The following SORCS1 variants were observed in gnomAD, a reference collection of about 807,000 sequenced individuals.
SORCS1 encodes VPS10 domain-containing receptor SorCS1.
A neutral mutation model predicts 146.1 loss-of-function variants in SORCS1; 60 were observed. That is an observed-to-expected ratio of 0.41 (90% CI 0.33 to 0.51). SORCS1 has a LOEUF of 0.51. Ranked by LOEUF, SORCS1 falls within the 20% of genes least tolerant of loss-of-function variation. SORCS1 has a pLI of 0.21. For synonymous variants in SORCS1, 637 were observed against 584.0 expected (o/e 1.09, Z -1.31); for missense variants, 1,352 against 1,487.6 (o/e 0.91, Z 1.50).
At chr10:106,777,887 T>G (rs1860575540) in intron 3 of SORCS1, among the ~76,000 whole-genome samples, 1 of 152,134 alleles carries the variant, frequency 6.6e-6, no homozygotes, top group Non-Finnish European at 1.5e-5. Flanking sequence ...TGAATTTGGT[T>G]CAGGGAAGCA....
intron 5 of SORCS1, among the ~76,000 whole-genome samples, chr10:106,745,409 T>TG (rs1229073411): frequency 9.2e-6 from 1 of 108,400 alleles, no homozygotes; most frequent in African/African-American, 3.5e-5. Flanking sequence ...AGACAACGTC[T>TG]AAAAAAAAAA....
intron 18 of SORCS1, among the ~76,000 whole-genome samples, chr10:106,644,388 C>T (rs1020515141): frequency 5.9e-5 from 9 of 151,916 alleles, no homozygotes; most frequent in East Asian, 3.9e-4. Flanking sequence ...ATTATTGAGA[C>T]GGAGTCTAGC....
chr10:106,804,798 T>C (rs558237920), intron 3 of SORCS1, among the ~76,000 whole-genome samples: 1 of 152,264 alleles, frequency 6.6e-6, no homozygotes, highest in African/African-American at 2.4e-5. Context: ...TACAGAAGCG[T>C]ACTCAGAATT....
At chr10:106,946,209 T>TG (rs75073355) in intron 2 of SORCS1, among the ~76,000 whole-genome samples, 70,585 of 152,006 alleles carry the variant, frequency 0.46, 18,246 homozygotes, top group Non-Finnish European at 0.58. Flanking sequence ...CATAACATAC[T>TG]CTTCAAAGCA....
At chr10:107,091,957 G>A (rs925988382) in intron 1 of SORCS1, among the ~76,000 whole-genome samples, 3 of 152,072 alleles carry the variant, frequency 2.0e-5, no homozygotes, top group African/African-American at 7.2e-5. Flanking sequence ...CAGAGTACAC[G>A]ACACTGCACA....
intron 18 of SORCS1, among the ~76,000 whole-genome samples, chr10:106,648,658 G>A (rs1390649928): frequency 6.6e-6 from 1 of 152,058 alleles, no homozygotes; most frequent in Non-Finnish European, 1.5e-5. Flanking sequence ...TGGTTTACAT[G>A]ACAGATATTG....
At chr10:107,102,760 C>A (rs1263058384) in intron 1 of SORCS1, among the ~76,000 whole-genome samples, 1 of 152,024 alleles carries the variant, frequency 6.6e-6, no homozygotes, top group Non-Finnish European at 1.5e-5. Flanking sequence ...AATGCACACA[C>A]AATTAGAGGG....
At chr10:106,977,191 C>A (rs906542145) in intron 1 of SORCS1, among the ~76,000 whole-genome samples, 1 of 152,178 alleles carries the variant, frequency 6.6e-6, no homozygotes, top group Admixed American at 6.5e-5. Context: ...CACAGCCTTG[C>A]TAGCATCTAT....
intron 1 of SORCS1, among the ~76,000 whole-genome samples, chr10:107,124,953 CTTTTTTT>C (rs577523339): frequency 1.6e-5 from 2 of 121,614 alleles, no homozygotes; most frequent in Non-Finnish European, 3.3e-5. Flanking sequence ...TTTTCTTTTT[CTTTTTTT>C]TTTTTTTTTT....
chr10:106,904,412 GA>G (rs746172903), intron 2 of SORCS1, among the ~76,000 whole-genome samples: 151 of 152,146 alleles, frequency 9.9e-4, no homozygotes, highest in Non-Finnish European at 1.8e-3. Flanking sequence ...CCCAAAAGGG[GA>G]AAAACAAAAA....
At chr10:106,918,026 C>G (rs1339041428) in intron 2 of SORCS1, among the ~76,000 whole-genome samples, 1 of 152,078 alleles carries the variant, frequency 6.6e-6, no homozygotes, top group Non-Finnish European at 1.5e-5. Context: ...TTCCTGAACT[C>G]GCCAATTAAG....
rs528779068 is a variant in SORCS1, at chr10:106,725,800, G to A, written c.1024+4250C>T. On this transcript the variant is annotated intron_variant, in intron 6 of 25. Transcript: ENST00000263054. Reference sequence around the variant, plus strand: ...ACAAAAATTAGCCTGGTGTGGTGGTGCACGCCTGGAGTCCCAGCTCCTTGG... The same window carrying A: ...ACAAAAATTAGCCTGGTGTGGTGGTACACGCCTGGAGTCCCAGCTCCTTGG... 8.6e-5 allele frequency among the ~76,000 whole-genome samples: 13 copies of A among 151,756 alleles called. No individual in the cohort carries two copies. The South Asian group carries it at 2.7e-3, about 32-fold the overall frequency.
At chr10:106,831,420 A>G (rs1948538722) in intron 2 of SORCS1, among the ~76,000 whole-genome samples, 1 of 152,238 alleles carries the variant, frequency 6.6e-6, no homozygotes, top group African/African-American at 2.4e-5. Flanking sequence ...AAAGAAAGAA[A>G]TATAAACAAA....
intron 1 of SORCS1, chr10:106,970,051 G>C (rs988560411): frequency 6.6e-6 from 1 of 152,456 alleles, no homozygotes; most frequent in East Asian, 1.9e-4. Flanking sequence ...GAACGCGTCC[G>C]TTCTCGTCTG....
chr10:106,700,929 A>G (rs529940469), intron 8 of SORCS1, among the ~76,000 whole-genome samples: 1 of 152,306 alleles, frequency 6.6e-6, no homozygotes, highest in East Asian at 1.9e-4. Flanking sequence ...CTATCTGTTG[A>G]ATGTCTATTT....
At chr10:106,910,241 G>A (rs913231119) in intron 2 of SORCS1, among the ~76,000 whole-genome samples, 2 of 151,624 alleles carry the variant, frequency 1.3e-5, no homozygotes, top group Non-Finnish European at 2.9e-5. Context: ...TGTGAAATTT[G>A]GGATAATCTA....
chr10:106,690,487 T>C (rs1294945636), intron 9 of SORCS1, among the ~76,000 whole-genome samples: 1 of 152,190 alleles, frequency 6.6e-6, no homozygotes, highest in East Asian at 1.9e-4. Flanking sequence ...GGGTTATACA[T>C]GTTTGGGAGC....
intron 1 of SORCS1, among the ~76,000 whole-genome samples, chr10:107,028,337 A>T (rs941021399): frequency 6.6e-6 from 1 of 152,218 alleles, no homozygotes; most frequent in Non-Finnish European, 1.5e-5. Flanking sequence ...GAACAGAAAG[A>T]GGCTCATATT....
chr10:106,696,863 T>C (rs1268839537), intron 9 of SORCS1, among the ~76,000 whole-genome samples: 1 of 152,204 alleles, frequency 6.6e-6, no homozygotes, highest in Non-Finnish European at 1.5e-5. Context: ...AAACAAAATT[T>C]ATCCAGAGAA....
Sources: gnomAD v4.1 joint callset for allele counts (sites outside exome capture counted in the v4.1 genomes callset) on GRCh38, gnomAD v4.1.1 for gene constraint, MANE v1.5 for transcripts, NCBI Gene and HGNC (gene_info 2026-07-23, HGNC 2026-07-21) for gene names.